FLNB: variants seen among roughly 807,000 people sequenced by gnomAD.
The protein encoded by FLNB is filamin B.
FLNB carries 111 observed loss-of-function variants against 250.6 expected under a neutral mutation model. The ratio of observed to expected loss-of-function variants is 0.44; its 90% CI spans 0.38 to 0.52. The LOEUF is 0.52. Among genes scored for constraint, FLNB ranks in the 20% least tolerant of loss-of-function variants. The pLI, the probability that FLNB is intolerant of heterozygous loss-of-function variation, is 0.00. For missense variants in FLNB, 2,869 were observed against 3,447.8 expected (o/e 0.83, Z 4.20); for synonymous variants, 1,302 against 1,372.1 (o/e 0.95, Z 1.13).
chr3:58,024,404 C>T (rs1203203969), intron 1 of FLNB, among the ~76,000 whole-genome samples: 1 of 152,140 alleles, frequency 6.6e-6, no homozygotes, highest in Non-Finnish European at 1.5e-5. Flanking sequence ...GTAAGTGCCC[C>T]ATGAATGGTG....
In FLNB at chr3:58,135,966, C is replaced by T. The variant is rs1343171107; in HGVS notation, c.4672-13C>T. On this transcript the variant is annotated splice_polypyrimidine_tract_variant and intron_variant, in intron 27 of 45. Transcript: ENST00000295956. ...TGACAACATCCTAAATAGCATTTCT[C>T]TATGATCCACAGGACCAAGAAGGAA... 2 of 1,613,380 alleles carry T rather than the reference C, an allele frequency of 1.2e-6. No homozygotes were observed. Among genetic ancestry groups the T allele is most frequent in the East Asian group, 2.2e-5 (1 of 44,904 alleles).
chr3:58,156,208 C>A, intron 41 of FLNB, 133 bp downstream of exon 41: 1 of 697,998 alleles, frequency 1.4e-6, no homozygotes, highest in South Asian at 1.6e-5. Flanking sequence ...GTCACCCAGT[C>A]ACTGGGGAGC....
intron 41 of FLNB, among the ~76,000 whole-genome samples, chr3:58,157,089 G>A (rs2097354541): frequency 6.6e-6 from 1 of 152,210 alleles, no homozygotes; most frequent in South Asian, 2.1e-4. Context: ...ACCAGGAGAT[G>A]CAACATTTTT....
chr3:58,036,721 G>A (rs752974575), intron 1 of FLNB, among the ~76,000 whole-genome samples: 3 of 152,214 alleles, frequency 2.0e-5, no homozygotes, highest in Non-Finnish European at 4.4e-5. Flanking sequence ...CCCAAGGCAA[G>A]AAGAGGGTCT....
intron 4 of FLNB, among the ~76,000 whole-genome samples, chr3:58,093,630 T>A (rs571827863): frequency 2.1e-5 from 2 of 94,490 alleles, no homozygotes; most frequent in Non-Finnish European, 4.1e-5. Context: ...TTTATACTTA[T>A]GTTCACACAC....
chr3:58,125,528 ACAAATAGGGGATTTGTATG>A, intron 22 of FLNB, 34 bp from the exon 23 acceptor site: 2 of 1,595,124 alleles, frequency 1.3e-6, no homozygotes, highest in Non-Finnish European at 1.7e-6. Flanking sequence ...ATCATTTTTC[ACAAATAGGGGATTTGTATG>A]CAAATATGCG....
intron 13 of FLNB, among the ~76,000 whole-genome samples, chr3:58,108,885 A>G (rs1359028987): frequency 2.0e-5 from 3 of 152,250 alleles, no homozygotes; most frequent in Non-Finnish European, 4.4e-5. Context: ...AGGATTTAAA[A>G]AGTATGTTTA....
intron 24 of FLNB, among the ~76,000 whole-genome samples, chr3:58,129,998 G>C (rs527514721): frequency 6.6e-6 from 1 of 152,330 alleles, no homozygotes; most frequent in African/African-American, 2.4e-5. Context: ...CAAGGAGTCA[G>C]AGGCCCTCAG....
intron 4 of FLNB, among the ~76,000 whole-genome samples, chr3:58,090,063 CT>C (rs1200138425): frequency 6.6e-6 from 1 of 152,096 alleles, no homozygotes; most frequent in Non-Finnish European, 1.5e-5. Flanking sequence ...ATCCAAAGTG[CT>C]GGGATTACAG....
chr3:58,150,269 A>G (rs1173136172), intron 38 of FLNB, 42 bp downstream of exon 38: 3 of 1,613,476 alleles, frequency 1.9e-6, no homozygotes, highest in Non-Finnish European at 2.5e-6. Context: ...CCTTGGCTCC[A>G]GCCTTCAGGG....
intron 18 of FLNB, among the ~76,000 whole-genome samples, chr3:58,113,224 A>G (rs965168649): frequency 6.6e-6 from 1 of 152,134 alleles, no homozygotes; most frequent in Non-Finnish European, 1.5e-5. Flanking sequence ...TCATGTTCAC[A>G]CCTCTGGGGT....
chr3:58,086,463 T>A (rs927168536), intron 4 of FLNB, among the ~76,000 whole-genome samples: 2 of 53,070 alleles, frequency 3.8e-5, no homozygotes, highest in African/African-American at 1.9e-4. Context: ...ATTTCTAGCC[T>A]TTTTTCTATG....
chr3:58,118,627 T>C (rs774749169), intron 18 of FLNB, among the ~76,000 whole-genome samples: 2 of 152,184 alleles, frequency 1.3e-5, no homozygotes, highest in Non-Finnish European at 2.9e-5. Context: ...GCATGGTGCT[T>C]GGTGTGTAGA....
chr3:58,120,555 TG>T (rs1210935260), intron 19 of FLNB, among the ~76,000 whole-genome samples: 2 of 152,234 alleles, frequency 1.3e-5, no homozygotes, highest in African/African-American at 4.8e-5. Flanking sequence ...AGCCCTGCTT[TG>T]CAGAGACCTT....
At chr3:58,008,930 C>T (rs1159696827) in intron 1 of FLNB, 74 bp downstream of exon 1, 6 of 1,563,558 alleles carry the variant, frequency 3.8e-6, no homozygotes, top group Admixed American at 1.7e-5. Flanking sequence ...CTGCGGAGGG[C>T]GAGGATTTCC....
At chr3:58,146,377 C>CTTTA (rs2097335818) in intron 33 of FLNB, among the ~76,000 whole-genome samples, 1 of 152,320 alleles carries the variant, frequency 6.6e-6, no homozygotes, top group Admixed American at 6.5e-5. Context: ...TACTGAGTGG[C>CTTTA]TCTTTTTGAT....
chr3:58,135,685 G>C (rs953659072), intron 27 of FLNB, among the ~76,000 whole-genome samples: 1 of 152,180 alleles, frequency 6.6e-6, no homozygotes, highest in African/African-American at 2.4e-5. Flanking sequence ...GGTGGTGTGT[G>C]AGCAGAAGCC....
intron 1 of FLNB, among the ~76,000 whole-genome samples, chr3:58,016,664 TC>T (rs1182669864): frequency 1.3e-5 from 2 of 152,104 alleles, no homozygotes; most frequent in Non-Finnish European, 2.9e-5. Flanking sequence ...TTTTGGAGGC[TC>T]CCGTGAAGGT....
rs57053256 is a variant in FLNB, at chr3:58,136,746, C to CTTT, written c.4861+599_4861+601dup. ...CAACTATTGACTGTCACAGGCCATT[C>CTTT]TTTTTTTTTTTTTTTTTTTTTTTGA... On this transcript the variant is annotated intron_variant, in intron 28 of 45. Transcript: ENST00000295956. 4.8e-3 allele frequency among the ~76,000 whole-genome samples: 384 copies of CTTT among 79,780 alleles called. 36 individuals carry two copies. Among genetic ancestry groups the CTTT allele is most frequent in the African/African-American group, 7.9e-3 (143 of 18,188 alleles). The allele number at this position is 79,780 out of a possible 152,430, so 52.3% of individuals were successfully genotyped here. A position where few individuals can be genotyped will look rare whatever the true frequency, so the allele number is the denominator to read the frequency against.
Sources: gnomAD v4.1 joint callset for allele counts (sites outside exome capture counted in the v4.1 genomes callset) on GRCh38, gnomAD v4.1.1 for gene constraint, MANE v1.5 for transcripts, NCBI Gene and HGNC (gene_info 2026-07-23, HGNC 2026-07-21) for gene names.